C5: variants seen among roughly 807,000 people sequenced by gnomAD.
The protein encoded by C5 is complement C5, also known as C3 and PZP-like alpha-2-macroglobulin domain-containing protein 4.
Under a neutral mutation model 218.8 loss-of-function variants are expected in C5, and 140 were observed. That is an observed-to-expected ratio of 0.64 (90% CI 0.56 to 0.74). The LOEUF is 0.74. C5 is among the 30% of genes least tolerant of loss of function. C5 has a pLI of 0.00. For missense variants in C5, 1,700 were observed against 1,969.6 expected (o/e 0.86, Z 2.59); for synonymous variants, 614 against 682.3 (o/e 0.90, Z 1.56).
the C5 span, among the ~76,000 whole-genome samples, chr9:121,057,289 C>T: frequency 6.6e-6 from 1 of 152,092 alleles, no homozygotes; most frequent in Non-Finnish European, 1.5e-5. Flanking sequence ...ATAAAACTCG[C>T]TGGTAAAAAT....
chr9:120,956,330 C>A (rs546936042), intron 39 of C5, among the ~76,000 whole-genome samples: 1 of 152,020 alleles, frequency 6.6e-6, no homozygotes, highest in South Asian at 2.1e-4. Flanking sequence ...AATAGCCACA[C>A]ACACACAAAA....
At chr9:121,049,663 T>C (rs2047656796) in intron 1 of C5, among the ~76,000 whole-genome samples, 1 of 152,186 alleles carries the variant, frequency 6.6e-6, no homozygotes, top group Non-Finnish European at 1.5e-5. Flanking sequence ...TTAAAATATT[T>C]CTAGATATAA....
At chr9:121,060,104 G>T in the C5 span, among the ~76,000 whole-genome samples, 7 of 152,110 alleles carry the variant, frequency 4.6e-5, no homozygotes, top group African/African-American at 1.7e-4. Flanking sequence ...TTTCATCAAA[G>T]CTCCTTACAT....
At chr9:120,973,662 C>G (rs1365404054) in intron 30 of C5, among the ~76,000 whole-genome samples, 2 of 152,034 alleles carry the variant, frequency 1.3e-5, no homozygotes, top group Non-Finnish European at 2.9e-5. Context: ...GTATGGGCCA[C>G]CAGTTTGCAA....
chr9:121,069,004 A>G, the C5 span, among the ~76,000 whole-genome samples: 1 of 152,328 alleles, frequency 6.6e-6, no homozygotes, highest in Non-Finnish European at 1.5e-5. Flanking sequence ...ATAAATCAAA[A>G]TGGATCAAAG....
At chr9:121,055,879 C>T in the C5 span, among the ~76,000 whole-genome samples, 1 of 152,302 alleles carries the variant, frequency 6.6e-6, no homozygotes, top group East Asian at 1.9e-4. Context: ...CTCCAGTTAG[C>T]CAAGCCTGGA....
intron 31 of C5, among the ~76,000 whole-genome samples, chr9:120,971,596 C>T (rs1159030642): frequency 6.6e-6 from 1 of 152,104 alleles, no homozygotes; most frequent in East Asian, 1.9e-4. Flanking sequence ...CGCCACCATG[C>T]CCGGCTAATT....
chr9:120,960,994 AAACT>A (rs1389048496), intron 37 of C5, among the ~76,000 whole-genome samples: 39 of 152,198 alleles, frequency 2.6e-4, no homozygotes, highest in Admixed American at 4.6e-4. Context: ...GAAAAAACCA[AAACT>A]AACTGAGACC....
chr9:121,056,496 C>T, the C5 span, among the ~76,000 whole-genome samples: 1 of 152,064 alleles, frequency 6.6e-6, no homozygotes, highest in South Asian at 2.1e-4. Flanking sequence ...TTTCTTCCCC[C>T]AATATTTGTG....
At chr9:120,999,493 G>T (rs2047142781) in intron 20 of C5, among the ~76,000 whole-genome samples, 1 of 152,164 alleles carries the variant, frequency 6.6e-6, no homozygotes, top group South Asian at 2.1e-4. Flanking sequence ...CAAGTTCTGT[G>T]TATAATCCTT....
At chr9:121,013,312 C>T (rs540043770) in intron 17 of C5, among the ~76,000 whole-genome samples, 140 of 127,298 alleles carry the variant, frequency 1.1e-3, no homozygotes, top group African/African-American at 4.3e-3. Context: ...GAGCCAGATT[C>T]CTACTGAAAA....
intron 30 of C5, among the ~76,000 whole-genome samples, chr9:120,973,638 A>T (rs1352425907): frequency 6.6e-6 from 1 of 152,108 alleles, no homozygotes. Flanking sequence ...TTATATCCAT[A>T]TTCTTTTTTT....
chr9:120,987,162 G>A (rs967152903), intron 25 of C5, among the ~76,000 whole-genome samples: 11 of 152,082 alleles, frequency 7.2e-5, no homozygotes, highest in African/African-American at 2.4e-4. Context: ...TTTGGCTTCC[G>A]GAAACCTAGA....
intron 3 of C5, among the ~76,000 whole-genome samples, chr9:121,041,855 T>C (rs1320599578): frequency 1.3e-5 from 2 of 152,220 alleles, no homozygotes; most frequent in African/African-American, 4.8e-5. Flanking sequence ...AAAAAGATGC[T>C]ATTATTCTGG....
the C5 span, among the ~76,000 whole-genome samples, chr9:121,065,144 C>T: frequency 6.6e-6 from 1 of 151,916 alleles, no homozygotes; most frequent in South Asian, 2.1e-4. Context: ...CTAAAGAAAT[C>T]AGAATTAGCT....
chr9:121,052,592 C>T (rs901712368), upstream of C5, among the ~76,000 whole-genome samples: 2 of 151,970 alleles, frequency 1.3e-5, no homozygotes, highest in Non-Finnish European at 2.9e-5. Context: ...TGGTGGTCAC[C>T]TGACCTTCCT....
intron 5 of C5, among the ~76,000 whole-genome samples, chr9:121,034,156 G>A (rs2047502774): frequency 6.6e-6 from 1 of 152,152 alleles, no homozygotes; most frequent in Admixed American, 6.6e-5. Context: ...CTGACCTCAG[G>A]TGATCCACCG....
In C5 at chr9:121,015,193, C is replaced by CA; in HGVS notation, c.2059+5dup. 2.5e-6 allele frequency: 4 copies of CA among 1,576,940 alleles called. No individual in the cohort carries two copies. Among genetic ancestry groups the CA allele is most frequent in the Non-Finnish European group, 2.6e-6 (3 of 1,147,500 alleles). On this transcript the variant is annotated splice_donor_region_variant and intron_variant, in intron 16 of 40. Transcript: ENST00000223642. ...CCTTTTTACAATCACATGAATCTTA[C>CA]AGTACCTATTTCTTCTATCTTCTTT...
chr9:121,026,741 A>C (rs1325767367), intron 8 of C5, among the ~76,000 whole-genome samples: 1 of 152,162 alleles, frequency 6.6e-6, no homozygotes, highest in African/African-American at 2.4e-5. Context: ...CAGCTAACCT[A>C]GTGTAGAAGA....
Sources: gnomAD v4.1 joint callset for allele counts (sites outside exome capture counted in the v4.1 genomes callset) on GRCh38, gnomAD v4.1.1 for gene constraint, MANE v1.5 for transcripts, NCBI Gene and HGNC (gene_info 2026-07-23, HGNC 2026-07-21) for gene names.